The following FAM227B variants were observed in gnomAD, a reference collection of about 807,000 sequenced individuals.
FAM227B encodes protein FAM227B.
A neutral mutation model predicts 73.8 loss-of-function variants in FAM227B; 88 were observed. The ratio of observed to expected loss-of-function variants is 1.19; its 90% CI spans 1.00 to 1.42. The LOEUF (loss-of-function observed/expected upper bound fraction) is 1.42, where lower values mean the gene tolerates loss of function less well. Among genes scored for constraint, FAM227B ranks in the 40% most tolerant of loss-of-function variants. FAM227B has a pLI of 0.00. For missense variants in FAM227B, 632 were observed against 590.9 expected (o/e 1.07, Z -0.72); for synonymous variants, 210 against 190.5 (o/e 1.10, Z -0.84).
At chr15:49,579,486 T>G (rs921857618) in intron 5 of FAM227B, among the ~76,000 whole-genome samples, 4 of 152,170 alleles carry the variant, frequency 2.6e-5, no homozygotes, top group Non-Finnish European at 5.9e-5. Flanking sequence ...ATCCTGTCAT[T>G]TGCAGCAATA....
chr15:49,603,615 CCATTT>C (rs894087911), intron 3 of FAM227B, among the ~76,000 whole-genome samples: 1 of 152,048 alleles, frequency 6.6e-6, no homozygotes, highest in Non-Finnish European at 1.5e-5. Context: ...AACTTAGATG[CCATTT>C]ATTTCTTTCT....
chr15:49,571,423 A>G (rs2075095679), intron 8 of FAM227B, among the ~76,000 whole-genome samples: 1 of 151,866 alleles, frequency 6.6e-6, no homozygotes, highest in South Asian at 2.1e-4. Context: ...TCAAAAAATC[A>G]CCGTACAAAC....
chr15:49,590,106 C>A, intron 3 of FAM227B, 99 bp from the exon 4 acceptor site: 1 of 667,634 alleles, frequency 1.5e-6, no homozygotes. Context: ...GATTTTATTC[C>A]ACAGCATTGT....
At chr15:49,551,481 A>G (rs898613042) in intron 9 of FAM227B, among the ~76,000 whole-genome samples, 1 of 152,018 alleles carries the variant, frequency 6.6e-6, no homozygotes, top group Non-Finnish European at 1.5e-5. Flanking sequence ...TTTTCAGTCT[A>G]TGTGTATCTT....
chr15:49,371,435 G>GT, intron 11 of FAM227B, 36 bp from the exon 12 acceptor site: 2 of 1,326,364 alleles, frequency 1.5e-6, no homozygotes, highest in Non-Finnish European at 2.1e-6. Flanking sequence ...TAAAATTCTG[G>GT]TATTTTTTTC....
rs938467718 is a variant in FAM227B at position 49,334,008 on chromosome 15, A to G, written c.1349+1411T>C. Reference sequence around the variant, plus strand: ...ATAGGTTTATTTTGAAAAGGACTTGAGCTTAAGTCCTATGGCTGGAGAGTA... The same window carrying G: ...ATAGGTTTATTTTGAAAAGGACTTGGGCTTAAGTCCTATGGCTGGAGAGTA... On this transcript the variant is annotated intron_variant, in intron 14 of 15. Coordinates refer to ENST00000299338, the MANE Select transcript of FAM227B (RefSeq NM_152647.3). 1.2e-4 allele frequency among the ~76,000 whole-genome samples: 19 copies of G among 152,330 alleles called. 1 individual carries two copies. Among genetic ancestry groups the G allele is most frequent in the African/African-American group, 4.6e-4 (19 of 41,572 alleles).
intron 9 of FAM227B, among the ~76,000 whole-genome samples, chr15:49,546,878 A>C (rs2071986720): frequency 6.6e-6 from 1 of 152,172 alleles, no homozygotes; most frequent in Non-Finnish European, 1.5e-5. Flanking sequence ...ATCCAGGAGA[A>C]CTCCCCCATC....
chr15:49,588,142 T>A, intron 4 of FAM227B, 59 bp from the exon 5 acceptor site: 1 of 1,038,110 alleles, frequency 9.6e-7, no homozygotes. Flanking sequence ...CCTCTAAAAA[T>A]AAACAAAATT....
chr15:49,473,171 C>T (rs369437547), intron 11 of FAM227B, among the ~76,000 whole-genome samples: 321 of 152,130 alleles, frequency 2.1e-3, no homozygotes, highest in South Asian at 6.9e-3. Flanking sequence ...ACAAACATAT[C>T]AAATATGAAT....
At chr15:49,611,949 AT>A (rs1329394475) in intron 2 of FAM227B, among the ~76,000 whole-genome samples, 1 of 151,948 alleles carries the variant, frequency 6.6e-6, no homozygotes, top group East Asian at 1.9e-4. Flanking sequence ...AGCCTTTCTT[AT>A]CCCCCAAAGT....
chr15:49,543,806 T>C (rs2071424186), intron 9 of FAM227B, among the ~76,000 whole-genome samples: 1 of 152,208 alleles, frequency 6.6e-6, no homozygotes, highest in Non-Finnish European at 1.5e-5. Flanking sequence ...ATCAGTTGGC[T>C]GTAAGTATTT....
chr15:49,366,280 T>C, intron 13 of FAM227B: 1 of 787,130 alleles, frequency 1.3e-6, no homozygotes, highest in Non-Finnish European at 2.4e-6. Flanking sequence ...ATGCAATCAG[T>C]ATTTTCACAT....
intron 10 of FAM227B, among the ~76,000 whole-genome samples, chr15:49,534,988 A>G (rs2060901767): frequency 6.6e-6 from 1 of 151,966 alleles, no homozygotes; most frequent in East Asian, 1.9e-4. Context: ...ATATGAAAAA[A>G]AATCCCAAAT....
chr15:49,424,449 G>A (rs2049954821), intron 11 of FAM227B: 5 of 1,613,308 alleles, frequency 3.1e-6, no homozygotes, highest in African/African-American at 2.7e-5. Context: ...AGCCCTGAGC[G>A]ACACACAAGA....
At chr15:49,332,379 C>A (rs941970239) in intron 14 of FAM227B, among the ~76,000 whole-genome samples, 1 of 152,146 alleles carries the variant, frequency 6.6e-6, no homozygotes, top group African/African-American at 2.4e-5. Flanking sequence ...ATGGAAAAGG[C>A]CAGTGGGTGA....
chr15:49,432,301 C>T (rs186005348), intron 11 of FAM227B, among the ~76,000 whole-genome samples: 101 of 151,624 alleles, frequency 6.7e-4, no homozygotes, highest in African/African-American at 2.4e-3. Flanking sequence ...ACACTAGTGC[C>T]CCCTGAGATA....
intron 13 of FAM227B, among the ~76,000 whole-genome samples, chr15:49,355,502 G>A (rs1011069346): frequency 9.5e-4 from 144 of 152,100 alleles, no homozygotes; most frequent in Non-Finnish European, 1.3e-3. Flanking sequence ...GATGGAAGAT[G>A]AAATGAATGA....
At chr15:49,379,903 G>A (rs998191951) in intron 11 of FAM227B, among the ~76,000 whole-genome samples, 1 of 152,260 alleles carries the variant, frequency 6.6e-6, no homozygotes, top group Admixed American at 6.5e-5. Flanking sequence ...TACTGCCTAT[G>A]TTTGCTCAAG....
chr15:49,531,610 T>C (rs2060613553), intron 10 of FAM227B, among the ~76,000 whole-genome samples: 2 of 151,968 alleles, frequency 1.3e-5, no homozygotes, highest in Non-Finnish European at 2.9e-5. Context: ...CATCAGCTAT[T>C]TTCCAGAAAG....
Sources: allele counts gnomAD v4.1 joint callset (sites outside exome capture counted in the v4.1 genomes callset), GRCh38; gene constraint gnomAD v4.1.1; transcripts MANE v1.5; gene names NCBI Gene and HGNC (gene_info 2026-07-23, HGNC 2026-07-21).